The following TAF12 variants were observed in gnomAD, a reference collection of about 807,000 sequenced individuals.
TAF12 encodes TATA-box binding protein associated factor 12, also known as transcription initiation factor TFIID subunit 12.
In TAF12, 3 loss-of-function variants were observed where a neutral mutation model predicts 20.8. The ratio of observed to expected loss-of-function variants is 0.14; its 90% CI spans 0.07 to 0.37. TAF12 has a LOEUF of 0.37. Ranked by LOEUF, TAF12 falls within the 10% of genes least tolerant of loss-of-function variation. The probability of loss-of-function intolerance (pLI) is 1.00; values close to 1 mark genes in which losing one functional copy is unlikely to be tolerated. For missense variants in TAF12, 131 were observed against 197.9 expected (o/e 0.66, Z 2.03); for synonymous variants, 69 against 70.2 (o/e 0.98, Z 0.09).
At chr1:28,637,105 G>A (rs1482326429) in intron 1 of TAF12, among the ~76,000 whole-genome samples, 1 of 152,054 alleles carries the variant, frequency 6.6e-6, no homozygotes, top group African/African-American at 2.4e-5. Context: ...ATGGTGGATT[G>A]GAAAAAAATG....
At chr1:28,614,954 C>T (rs1015692223) in intron 3 of TAF12, among the ~76,000 whole-genome samples, 1 of 151,606 alleles carries the variant, frequency 6.6e-6, no homozygotes, top group Non-Finnish European at 1.5e-5. Flanking sequence ...ACAAAACATA[C>T]AGAAATTAGC....
rs1570314608 is a variant in TAF12 at position 28,622,010 on chromosome 1, G to A, written c.72C>T (p.Ser24=). The change falls in exon 2 of 6, where the codon AGC becomes AGT. Residue 24 remains serine, a synonymous_variant. Coordinates refer to ENST00000373824, the MANE Select transcript of TAF12 (RefSeq NM_005644.4). ...NFSSIKPEPA[S]TPPQGSMANS... ...TGGCCATGGAGCCTTGTGGAGGGGT[G>A]CTGGCTGGTTCCGGTTTTATGGATG... The A allele has an allele frequency of 1.9e-6, 3 of 1,614,070 alleles. No individual in the cohort carries two copies. The highest frequency in any genetic ancestry group is 1.3e-5 in the African/African-American group (1 of 75,018).
intron 2 of TAF12, 130 bp from the exon 3 acceptor site, chr1:28,618,160 C>T: frequency 1.3e-6 from 1 of 745,022 alleles, no homozygotes; most frequent in Non-Finnish European, 2.2e-6. Context: ...CACAGTCTGG[C>T]CTACCTGACT....
intron 1 of TAF12, among the ~76,000 whole-genome samples, chr1:28,642,386 A>T (rs966364069): frequency 1.3e-5 from 2 of 152,080 alleles, no homozygotes; most frequent in Admixed American, 6.6e-5. Context: ...ATGGTCCCTT[A>T]GATCCAAGGC....
intron 3 of TAF12, 59 bp from the exon 4 acceptor site, chr1:28,613,420 T>A: frequency 2.9e-6 from 4 of 1,397,430 alleles, no homozygotes; most frequent in Non-Finnish European, 3.9e-6. Flanking sequence ...CTCCTGTTGC[T>A]GGGACAACTG....
upstream of TAF12, among the ~76,000 whole-genome samples, chr1:28,645,629 C>CG (rs1668166336): frequency 6.6e-6 from 1 of 150,858 alleles, no homozygotes; most frequent in Non-Finnish European, 1.5e-5. Flanking sequence ...GCCTGCGTGA[C>CG]GGGAGCAAGA....
At chr1:28,637,101 G>T (rs1235041094) in intron 1 of TAF12, among the ~76,000 whole-genome samples, 2 of 152,090 alleles carry the variant, frequency 1.3e-5, no homozygotes, top group Admixed American at 6.6e-5. Context: ...AAGAATGGTG[G>T]ATTGGAAAAA....
chr1:28,615,435 T>C (rs573052508), intron 3 of TAF12, among the ~76,000 whole-genome samples: 1 of 151,728 alleles, frequency 6.6e-6, no homozygotes, highest in African/African-American at 2.4e-5. Flanking sequence ...TCCCAGCACT[T>C]TGGGAGGCCG....
At position 28,605,464 on chromosome 1, in the gene TAF12, CAAGG is replaced by C. The variant is rs1250031510; in HGVS notation, c.362-8_362-5del. The C allele has an allele frequency of 1.2e-6, 2 of 1,613,954 alleles. No homozygotes were observed. The highest frequency in any genetic ancestry group is 1.7e-6 in the Non-Finnish European group (2 of 1,179,980). ...ATCCACATGTTCCACTGGCGCTCTG[CAAGG>C]AAGAAGCCAGCACAGAGATAAACGT... On this transcript the variant is annotated splice_polypyrimidine_tract_variant and splice_region_variant and intron_variant, in intron 4 of 5. Coordinates refer to ENST00000373824, the MANE Select transcript of TAF12 (RefSeq NM_005644.4).
chr1:28,622,209 A>G (rs1667242714), intron 1 of TAF12, 44 bp from the exon 2 acceptor site: 1 of 1,435,824 alleles, frequency 7.0e-7, no homozygotes, highest in African/African-American at 1.4e-5. Flanking sequence ...AGAACCTGTA[A>G]TAAAGGATGA....
upstream of TAF12, among the ~76,000 whole-genome samples, chr1:28,647,888 T>G (rs1217494227): frequency 6.6e-6 from 1 of 151,106 alleles, no homozygotes; most frequent in Non-Finnish European, 1.5e-5. Context: ...AAAAAAAAAT[T>G]GTGTTGATAA....
At chr1:28,626,038 C>T (rs1049066505) in intron 1 of TAF12, among the ~76,000 whole-genome samples, 7 of 151,354 alleles carry the variant, frequency 4.6e-5, no homozygotes, top group South Asian at 4.2e-4. Context: ...TGGAGTGCAG[C>T]GGTGTGATCT....
intron 1 of TAF12, among the ~76,000 whole-genome samples, chr1:28,633,604 C>T (rs1667714863): frequency 6.6e-6 from 1 of 150,764 alleles, no homozygotes; most frequent in African/African-American, 2.4e-5. Context: ...CGGTGAAACC[C>T]CGTCTCTACT....
At chr1:28,617,131 G>A (rs1283465022) in intron 3 of TAF12, among the ~76,000 whole-genome samples, 2 of 151,946 alleles carry the variant, frequency 1.3e-5, no homozygotes, top group African/African-American at 2.4e-5. Flanking sequence ...AAAAAAAAAA[G>A]AATATTATAA....
chr1:28,633,094 C>G (rs1667692989), intron 1 of TAF12, among the ~76,000 whole-genome samples: 1 of 151,538 alleles, frequency 6.6e-6, no homozygotes, highest in Non-Finnish European at 1.5e-5. Context: ...CTCCTGACCT[C>G]AGGTGATCCA....
chr1:28,632,749 G>C (rs1310958055), intron 1 of TAF12, among the ~76,000 whole-genome samples: 2 of 152,066 alleles, frequency 1.3e-5, no homozygotes, highest in African/African-American at 4.8e-5. Flanking sequence ...CTGTGGAGGT[G>C]GGGGGTGAAA....
chr1:28,624,171 G>T, intron 1 of TAF12: 1 of 181,410 alleles, frequency 5.5e-6, no homozygotes, highest in Non-Finnish European at 1.1e-5. Context: ...TGGGAGCCAA[G>T]ACAAACATCT....
intron 1 of TAF12, among the ~76,000 whole-genome samples, chr1:28,626,217 T>C (rs919307718): frequency 2.7e-4 from 41 of 151,162 alleles, no homozygotes; most frequent in Admixed American, 4.0e-4. Flanking sequence ...GACCTCGTGA[T>C]CCACCCGCCT....
At chr1:28,609,146 G>C (rs1052687866) in intron 4 of TAF12, among the ~76,000 whole-genome samples, 1 of 150,960 alleles carries the variant, frequency 6.6e-6, no homozygotes, top group Non-Finnish European at 1.5e-5. Flanking sequence ...GTGTGATCTC[G>C]GCTCACTGCA....
Sources: gnomAD v4.1 joint callset for allele counts (sites outside exome capture counted in the v4.1 genomes callset) on GRCh38, gnomAD v4.1.1 for gene constraint, MANE v1.5 for transcripts, NCBI Gene and HGNC (gene_info 2026-07-23, HGNC 2026-07-21) for gene names.